The following DLG2 variants were observed in gnomAD, a reference collection of about 807,000 sequenced individuals.
DLG2 encodes the protein disks large homolog 2.
Under a neutral mutation model 132.5 loss-of-function variants are expected in DLG2, and 45 were observed. The ratio of observed to expected loss-of-function variants is 0.34; its 90% confidence interval spans 0.27 to 0.44. The LOEUF (loss-of-function observed/expected upper bound fraction) is 0.44, where lower values mean the gene tolerates loss of function less well. Ranked by LOEUF, DLG2 falls within the 20% of genes least tolerant of loss-of-function variation. The probability of loss-of-function intolerance (pLI) is 1.00; values close to 1 mark genes in which losing one functional copy is unlikely to be tolerated. For missense variants in DLG2, 1,045 were observed against 1,196.9 expected, an observed-to-expected ratio of 0.87 and a Z score of 1.87; for synonymous variants, 424 against 419.6, an observed-to-expected ratio of 1.01 and a Z score of -0.13.
chr11:84,457,454 G>C (rs897279379), intron 7 of DLG2, among the ~76,000 whole-genome samples: 1 of 151,022 alleles, frequency 6.6e-6, no homozygotes, highest in South Asian at 2.1e-4. Context: ...AAATTACAAA[G>C]ACAGTATATT....
chr11:84,059,713 C>T (rs984226361), intron 10 of DLG2, among the ~76,000 whole-genome samples: 4 of 152,090 alleles, frequency 2.6e-5, no homozygotes, highest in Admixed American at 6.6e-5. Flanking sequence ...TGGTCAGTTC[C>T]CATCCTAAAC....
intron 6 of DLG2, among the ~76,000 whole-genome samples, chr11:85,009,353 T>C (rs888884910): frequency 6.6e-6 from 1 of 152,096 alleles, no homozygotes; most frequent in African/African-American, 2.4e-5. Context: ...ATAAAATAAA[T>C]GGAATCATTT....
intron 6 of DLG2, among the ~76,000 whole-genome samples, chr11:84,825,907 C>T (rs2078272300): frequency 6.6e-6 from 1 of 151,832 alleles, no homozygotes; most frequent in African/African-American, 2.4e-5. Flanking sequence ...TCTAATCCAT[C>T]CTTTCCCTTA....
chr11:84,745,704 C>T (rs956614678), intron 6 of DLG2, among the ~76,000 whole-genome samples: 23 of 151,886 alleles, frequency 1.5e-4, no homozygotes, highest in South Asian at 2.1e-4. Context: ...TAAACAGCAG[C>T]GATAAGACTT....
chr11:84,419,127 G>T (rs536402790), intron 7 of DLG2, among the ~76,000 whole-genome samples: 2 of 152,082 alleles, frequency 1.3e-5, no homozygotes, highest in South Asian at 4.1e-4. Context: ...GAAAAGAGAA[G>T]GCGAGAGGGA....
At chr11:85,296,467 C>CTTTTTTTTTTTTTTTTTCTTTTTGTTTTT (rs2079219207) in intron 3 of DLG2, among the ~76,000 whole-genome samples, 1 of 121,554 alleles carries the variant, frequency 8.2e-6, no homozygotes, top group Non-Finnish European at 1.7e-5. Flanking sequence ...TTTCGATTTT[C>CTTTTTTTTTTTTTTTTTCTTTTTGTTTTT]TTTTTTTTTT....
chr11:85,139,533 A>G (rs1424153492), intron 5 of DLG2, among the ~76,000 whole-genome samples: 1 of 152,088 alleles, frequency 6.6e-6, no homozygotes, highest in Non-Finnish European at 1.5e-5. Flanking sequence ...TAAGGTATAC[A>G]ACATCATGTA....
intron 3 of DLG2, among the ~76,000 whole-genome samples, chr11:85,523,593 G>C (rs1024048967): frequency 6.6e-6 from 1 of 152,138 alleles, no homozygotes; most frequent in Non-Finnish European, 1.5e-5. Context: ...ATGCTGATGA[G>C]GATGTAGAGA....
intron 6 of DLG2, among the ~76,000 whole-genome samples, chr11:84,776,662 T>C (rs1175922899): frequency 2.6e-5 from 4 of 152,164 alleles, no homozygotes; most frequent in African/African-American, 4.8e-5. Flanking sequence ...CGATATAATA[T>C]ATAGTATTTT....
At chr11:85,028,722 G>T (rs546569275) in intron 6 of DLG2, among the ~76,000 whole-genome samples, 1 of 152,304 alleles carries the variant, frequency 6.6e-6, no homozygotes, top group South Asian at 2.1e-4. Context: ...AGGCACTTCT[G>T]AGCCTGTGGG....
intron 19 of DLG2, among the ~76,000 whole-genome samples, chr11:83,556,868 A>G (rs2096529661): frequency 6.6e-6 from 1 of 152,212 alleles, no homozygotes; most frequent in Non-Finnish European, 1.5e-5. Context: ...GAAGATGACT[A>G]GACAAGGAAC....
chr11:85,589,668 G>A (rs1171493580), intron 3 of DLG2, among the ~76,000 whole-genome samples: 1 of 152,118 alleles, frequency 6.6e-6, no homozygotes, highest in Non-Finnish European at 1.5e-5. Flanking sequence ...TACCCAGTTG[G>A]TGAGGCCTGT....
chr11:85,338,571 T>C (rs1036804138), intron 3 of DLG2, among the ~76,000 whole-genome samples: 1 of 152,102 alleles, frequency 6.6e-6, no homozygotes, highest in African/African-American at 2.4e-5. Context: ...GAAATATTAC[T>C]ATAGTAATAT....
intron 21 of DLG2, among the ~76,000 whole-genome samples, chr11:83,511,600 A>G (rs933777201): frequency 6.6e-6 from 1 of 152,062 alleles, no homozygotes. Context: ...AAGTATTTTT[A>G]TTATTATTAG....
intron 6 of DLG2, among the ~76,000 whole-genome samples, chr11:84,721,328 G>A (rs2061814006): frequency 6.6e-6 from 1 of 152,148 alleles, no homozygotes; most frequent in Non-Finnish European, 1.5e-5. Context: ...CCTGGGTAGG[G>A]AAGCGGCCTC....
intron 6 of DLG2, among the ~76,000 whole-genome samples, chr11:84,556,691 T>C (rs1213215422): frequency 2.0e-5 from 3 of 152,174 alleles, no homozygotes; most frequent in Admixed American, 1.3e-4. Flanking sequence ...ATTACACATG[T>C]AGTACTCCCA....
chr11:84,883,295 A>G (rs1255937933), intron 6 of DLG2, among the ~76,000 whole-genome samples: 2 of 151,328 alleles, frequency 1.3e-5, no homozygotes, highest in African/African-American at 4.9e-5. Flanking sequence ...AACCTCATAC[A>G]CTGGGGCCTG....
chr11:84,344,955 A>C (rs1039495737), intron 7 of DLG2, among the ~76,000 whole-genome samples: 4 of 152,140 alleles, frequency 2.6e-5, no homozygotes, highest in Non-Finnish European at 4.4e-5. Flanking sequence ...ATAAAAGCTG[A>C]AGTGAAAAAA....
At chr11:83,896,030 A>G (rs2154093108) in intron 15 of DLG2, among the ~76,000 whole-genome samples, 1 of 136,280 alleles carries the variant, frequency 7.3e-6, no homozygotes, top group African/African-American at 2.9e-5. Context: ...TAATGAAGTC[A>G]AATGAATATA....
Sources: gnomAD v4.1 joint callset for allele counts (sites outside exome capture counted in the v4.1 genomes callset) on GRCh38, gnomAD v4.1.1 for gene constraint, MANE v1.5 for transcripts, NCBI Gene and HGNC (gene_info 2026-07-23, HGNC 2026-07-21) for gene names.